The following NUDT6 variants were observed in gnomAD, a reference collection of about 807,000 sequenced individuals.
NUDT6 encodes the protein FAD diphosphatase NUDT6.
In NUDT6, 24 loss-of-function variants were observed where a neutral mutation model predicts 36.8. That is an observed-to-expected ratio of 0.65 (90% CI 0.47 to 0.92). NUDT6 has a LOEUF of 0.92. NUDT6 is among the 40% of genes least tolerant of loss of function. The pLI is 0.00. For missense variants in NUDT6, 388 were observed against 392.8 expected (o/e 0.99, Z 0.10); for synonymous variants, 163 against 157.0 (o/e 1.04, Z -0.29).
Position 122,893,121 on chromosome 4 carries a change from T to C in NUDT6, c.658A>G (p.Lys220Glu). ...CGGCAGATGATATACATATCTGACT[T>C]CCCAAAAGCTCCAGGATTTGTGTGC... ...QQHTNPGAFG[K>E]SDMYIICRLK... The change falls in exon 5 of 5, where the codon AAG becomes GAG. Residue 220 changes from lysine (K) to glutamate (E), a missense_variant. By Grantham distance (56) the Lys-to-Glu change is moderately conservative (BLOSUM62 1). Transcript: ENST00000304430. The C allele has an allele frequency of 6.2e-7, 1 of 1,614,160 alleles. No homozygotes were observed. Among genetic ancestry groups the C allele is most frequent in the Non-Finnish European group, 8.5e-7 (1 of 1,180,028 alleles).
At position 122,922,467 on chromosome 4, in the gene NUDT6, C is replaced by T. The variant is rs540881904; in HGVS notation, c.106G>A (p.Val36Met). The T allele has an allele frequency of 3.7e-6, 6 of 1,611,910 alleles. No homozygotes were observed. The highest frequency in any genetic ancestry group is 2.7e-5 in the African/African-American group (2 of 74,926). ...CACGCTCCAACTGGCGGATTCCGCA[C>T]GTAACCCTGTGCGCCCGAGGCCCAG... is the stretch of plus-strand genomic sequence containing the variant. ...YRWASGAQGY[V>M]RNPPVGACDL... The change falls in exon 1 of 5, where the codon GTG (valine) becomes ATG (methionine). Residue 36 changes from valine to methionine, a missense_variant. Transcript: ENST00000304430.
chr4:122,912,563 C>T lies in NUDT6; in HGVS notation c.498+5G>A. 6.3e-7 allele frequency: 1 copy of T among 1,580,786 alleles called. No homozygotes were observed. Among genetic ancestry groups the T allele is most frequent in the Non-Finnish European group, 8.7e-7 (1 of 1,150,938 alleles). ...GAAGCAATTTATAAAACAGAAGCAG[C>T]TTACTTTATTTCGATCTTGTACAAC... On this transcript the variant is annotated splice_donor_5th_base_variant and intron_variant, in intron 3 of 4. Coordinates refer to ENST00000304430, the MANE Select transcript of NUDT6 (RefSeq NM_007083.5).
intron 3 of NUDT6, among the ~76,000 whole-genome samples, chr4:122,899,652 TAAC>T (rs1397528514): frequency 2.6e-5 from 4 of 152,150 alleles, no homozygotes; most frequent in Admixed American, 1.3e-4. Flanking sequence ...TTTGGCAATA[TAAC>T]AACAACATTA....
intron 3 of NUDT6, among the ~76,000 whole-genome samples, chr4:122,901,174 C>T: frequency 6.6e-6 from 1 of 152,114 alleles, no homozygotes; most frequent in African/African-American, 2.4e-5. Context: ...ATATATGACC[C>T]CTCCCTGCTT....
intron 1 of NUDT6, chr4:122,920,297 A>C (rs1016544386): frequency 2.0e-5 from 3 of 152,036 alleles, no homozygotes; most frequent in Non-Finnish European, 4.4e-5. Flanking sequence ...CAGGGCAAGT[A>C]AATTTTTCTC....
intron 3 of NUDT6, among the ~76,000 whole-genome samples, chr4:122,907,591 C>T (rs907520138): frequency 2.6e-5 from 4 of 151,674 alleles, no homozygotes; most frequent in Non-Finnish European, 4.4e-5. Context: ...GCGGGAACTA[C>T]AGGCGCCCAC....
At chr4:122,910,324 G>A (rs1311223828) in intron 3 of NUDT6, among the ~76,000 whole-genome samples, 1 of 152,130 alleles carries the variant, frequency 6.6e-6, no homozygotes, top group Admixed American at 6.5e-5. Context: ...AGCTGTCTAG[G>A]TTTGGAGTAA....
rs138227825 is a variant in NUDT6 at position 122,909,450 on chromosome 4, C to A, written c.498+3118G>T. ...ATGTCATCACAAATTATTTGATTAT[C>A]TGGTTTTATTTCTACTGACAGAGCA... On this transcript the variant is annotated intron_variant, in intron 3 of 4. Coordinates refer to ENST00000304430, the MANE Select transcript of NUDT6 (RefSeq NM_007083.5). Among the ~76,000 whole-genome samples the A allele has an allele frequency of 7.9e-3, 1,196 of 152,212 alleles. 9 individuals are homozygous for A. The highest frequency in any genetic ancestry group is 0.013 in the Non-Finnish European group (886 of 68,014).
chr4:122,898,146 TTGTA>T (rs1447741507), intron 3 of NUDT6: 2 of 153,256 alleles, frequency 1.3e-5, no homozygotes, highest in African/African-American at 2.4e-5. Context: ...ATTATTTCTA[TTGTA>T]TGTGTTAATG....
rs546996603 is a variant in NUDT6, at chr4:122,922,264, A to G, written c.238+71T>C. 5.2e-4 allele frequency: 694 copies of G among 1,325,472 alleles called. 5 individuals are homozygous for G. The East Asian group carries it at 0.013, about 26-fold the overall frequency. The allele number at this position is 1,325,472 out of a possible 1,614,324, so 82.1% of individuals were successfully genotyped here. On this transcript the variant is annotated intron_variant, in intron 1 of 4. Coordinates refer to ENST00000304430, the MANE Select transcript of NUDT6 (RefSeq NM_007083.5). ...ACAGTGGTGCACAGAGCGACTAGGG[A>G]GTGGGGGCCGCGGTTATTTCATTAG...
At chr4:122,913,262 A>C (rs1727766046) in intron 2 of NUDT6, 1 of 152,676 alleles carries the variant, frequency 6.5e-6, no homozygotes, top group African/African-American at 2.4e-5. Context: ...AGTGTCTAAT[A>C]AGGGCTCATT....
upstream of NUDT6, chr4:122,922,919 G>A (rs1272168633): frequency 1.7e-6 from 1 of 598,050 alleles, no homozygotes; most frequent in African/African-American, 1.9e-5. Context: ...TTCCGTTCCT[G>A]GAACCTATCT....
rs376293988 is a variant in NUDT6 at position 122,922,451 on chromosome 4, A to C, written c.122T>G (p.Val41Gly). The C allele has an allele frequency of 6.2e-7, 1 of 1,612,050 alleles. No homozygotes were observed. The highest frequency in any genetic ancestry group is 1.1e-5 in the South Asian group (1 of 91,074). ...CTCGCCCTGCAGATCGCACGCTCCA[A>C]CTGGCGGATTCCGCACGTAACCCTG... ...GAQGYVRNPPVGACDLQGELD... is the reference protein window; with the variant it reads ...GAQGYVRNPPGGACDLQGELD... Residue 41 changes from valine (V) to glycine (G), a missense_variant, in exon 1 of 5, where the codon GTT (valine) becomes GGT (glycine). Coordinates refer to ENST00000304430, the MANE Select transcript of NUDT6 (RefSeq NM_007083.5).
intron 2 of NUDT6, among the ~76,000 whole-genome samples, chr4:122,912,971 C>T (rs1263785262): frequency 2.0e-5 from 3 of 152,214 alleles, no homozygotes; most frequent in African/African-American, 7.2e-5. Context: ...TGCATTTTGA[C>T]TGTGACTTGT....
upstream of NUDT6, chr4:122,922,707 G>T: frequency 1.3e-6 from 1 of 775,668 alleles, no homozygotes; most frequent in Non-Finnish European, 2.0e-6. Context: ...GCAGAGCTAT[G>T]CCAAGGAGAC....
chr4:122,906,693 G>A (rs755519345), intron 3 of NUDT6, among the ~76,000 whole-genome samples: 40 of 152,286 alleles, frequency 2.6e-4, no homozygotes, highest in Admixed American at 1.6e-3. Flanking sequence ...GCTGAGACCT[G>A]CTGGGCTGCA....
intron 3 of NUDT6, among the ~76,000 whole-genome samples, chr4:122,905,171 G>A (rs550621631): frequency 1.5e-4 from 23 of 152,198 alleles, no homozygotes; most frequent in South Asian, 1.5e-3. Context: ...GCTGATTGGC[G>A]CGTTTAGAAT....
intron 1 of NUDT6, chr4:122,921,275 G>T (rs966321599): frequency 1.3e-5 from 2 of 152,108 alleles, no homozygotes; most frequent in Non-Finnish European, 2.9e-5. Flanking sequence ...AACCTCTCTG[G>T]TTTAGTATTT....
In NUDT6 at chr4:122,892,784, T is replaced by G; in HGVS notation, c.*44A>C. The stretch of plus-strand genomic sequence containing the variant: ...AATCCAAAATGTCCACTATTTCTTA[T>G]GTCATTCGTTAGTCTACATGTTTCT... On this transcript the variant is annotated 3_prime_UTR_variant, in exon 5 of 5. Coordinates refer to ENST00000304430, the MANE Select transcript of NUDT6 (RefSeq NM_007083.5). The G allele has an allele frequency of 2.1e-6, 3 of 1,459,604 alleles. No homozygotes were observed. Among genetic ancestry groups the G allele is most frequent in the Non-Finnish European group, 1.9e-6 (2 of 1,078,718 alleles). 90.4% of individuals were successfully genotyped at this position (1,459,604 alleles called of 1,614,324 possible). A position where few individuals can be genotyped will look rare whatever the true frequency, so the allele number is the denominator to read the frequency against.
Sources: allele counts gnomAD v4.1 joint callset (sites outside exome capture counted in the v4.1 genomes callset), GRCh38; gene constraint gnomAD v4.1.1; transcripts MANE v1.5; gene names NCBI Gene and HGNC (gene_info 2026-07-23, HGNC 2026-07-21).